SCN7A: variants seen among roughly 807,000 people sequenced by gnomAD.
SCN7A encodes the protein sodium channel protein type 7 subunit alpha.
SCN7A carries 138 observed loss-of-function variants against 155.2 expected under a neutral mutation model. The observed-to-expected ratio is 0.89, with a 90% CI of 0.77 to 1.02. The LOEUF (loss-of-function observed/expected upper bound fraction) is 1.02. Ranked by LOEUF, SCN7A falls within the 50% of genes least tolerant of loss-of-function variation. The pLI, the probability that SCN7A is intolerant of heterozygous loss-of-function variation, is 0.00. For synonymous variants in SCN7A, 693 were observed against 649.0 expected (o/e 1.07, Z -1.03); for missense variants, 2,058 against 1,986.6 (o/e 1.04, Z -0.68).
At chr2:166,414,185 AT>A (rs1334511001) in intron 21 of SCN7A, among the ~76,000 whole-genome samples, 2 of 48,220 alleles carry the variant, frequency 4.1e-5, no homozygotes, top group African/African-American at 8.3e-5. Context: ...GTAAATATAT[AT>A]AATATATAAT....
intron 5 of SCN7A, 128 bp from the exon 6 acceptor site, chr2:166,472,573 T>C: frequency 1.3e-6 from 1 of 747,984 alleles, no homozygotes; most frequent in East Asian, 3.0e-5. Context: ...CAGGTCTACT[T>C]GGTAGGCCAA....
In SCN7A at chr2:166,465,789, T is replaced by C. The variant is rs545067970; in HGVS notation, c.863A>G (p.Tyr288Cys). The part of the protein sequence containing the change: ...TLHNRTGNPY[Y>C]IRETENFYYL... ...GGCAAGGTGATTCTTACCTCGAATATAATATGGGTTTCCAGTTCTGTTGTG... is the reference window on the plus strand; with the variant it reads ...GGCAAGGTGATTCTTACCTCGAATACAATATGGGTTTCCAGTTCTGTTGTG... The change falls in exon 8 of 26, where the codon TAT becomes TGT. Residue 288 changes from tyrosine to cysteine, a missense_variant. Coordinates refer to ENST00000643258, the MANE Select transcript of SCN7A (RefSeq NM_002976.4). 24 of 1,613,662 alleles carry C rather than the reference T, an allele frequency of 1.5e-5. No homozygotes were observed. Among genetic ancestry groups the C allele is most frequent in the South Asian group, 6.6e-5 (6 of 91,080 alleles).
Position 166,474,218 on chromosome 2 carries a change from A to G in SCN7A, c.353+8T>C. On this transcript the variant is annotated splice_region_variant and intron_variant, in intron 4 of 25. Transcript: ENST00000643258. ...GTTTAAAGTCAACAAGTCAACAGAA[A>G]AGGATATGGATGTACCAAAACCTTG... is the stretch of plus-strand genomic sequence containing the variant. 1 of 1,310,140 alleles carries G rather than the reference A, an allele frequency of 7.6e-7. No homozygotes were observed. The highest frequency in any genetic ancestry group is 1.5e-5 in the South Asian group (1 of 65,518). The allele number at this position is 1,310,140 out of a possible 1,614,324, so 81.2% of individuals were successfully genotyped here. A position where few individuals can be genotyped will look rare whatever the true frequency, so the allele number is the denominator to read the frequency against.
At chr2:166,477,404 T>C in intron 3 of SCN7A, 59 bp downstream of exon 3, 3 of 1,068,828 alleles carry the variant, frequency 2.8e-6, no homozygotes, top group Non-Finnish European at 3.9e-6. Context: ...TTACATTTTC[T>C]GTATGTCTGG....
intron 1 of SCN7A, among the ~76,000 whole-genome samples, chr2:166,490,998 G>C (rs1307789333): frequency 2.0e-5 from 3 of 152,180 alleles, no homozygotes; most frequent in Non-Finnish European, 4.4e-5. Flanking sequence ...CAGAGAAAGA[G>C]AGTAGATATG....
At chr2:166,432,936 T>C (rs1476476059) in intron 15 of SCN7A, among the ~76,000 whole-genome samples, 184 bp from the exon 16 acceptor site, 2 of 152,118 alleles carry the variant, frequency 1.3e-5, no homozygotes, top group Admixed American at 1.3e-4. Flanking sequence ...TTTGAACTTA[T>C]TCTTCCTATT....
chr2:166,457,125 T>C (rs1314015775), intron 10 of SCN7A, 49 bp from the exon 11 acceptor site: 1 of 1,303,294 alleles, frequency 7.7e-7, no homozygotes, highest in Admixed American at 2.4e-5. Context: ...TTATTTATCT[T>C]CCAGGATTCT....
chr2:166,413,097 T>C lies in SCN7A; in HGVS notation c.3439A>G (p.Ile1147Val), dbSNP rs767821492. The change falls in exon 22 of 26, where the codon ATT (isoleucine) becomes GTT (valine). Residue 1147 changes from isoleucine (I) to valine (V), a missense_variant. Transcript: ENST00000643258. Reference protein sequence around the residue: ...QVATFNGWITIMNSAIDSVAV... With the variant: ...QVATFNGWITVMNSAIDSVAV... ...ACAGAATCAATTGCTGAATTCATAATAGTGATCCATCCATTAAATGTTGCC... is the reference window on the plus strand; with the variant it reads ...ACAGAATCAATTGCTGAATTCATAACAGTGATCCATCCATTAAATGTTGCC... The C allele has an allele frequency of 5.2e-6, 8 of 1,536,666 alleles. No homozygotes were observed. The African/African-American group carries it at 6.9e-5, about 13-fold the overall frequency.
intron 9 of SCN7A, among the ~76,000 whole-genome samples, chr2:166,464,577 A>T (rs1702486040): frequency 6.6e-6 from 1 of 152,212 alleles, no homozygotes; most frequent in Non-Finnish European, 1.5e-5. Flanking sequence ...TCATAAAAAC[A>T]TATAAGAGAT....
At chr2:166,460,693 C>G (rs529092939) in intron 10 of SCN7A, among the ~76,000 whole-genome samples, 1 of 152,050 alleles carries the variant, frequency 6.6e-6, no homozygotes, top group South Asian at 2.1e-4. Flanking sequence ...GGAGAGGGTA[C>G]AACATACATG....
chr2:166,454,800 T>C (rs1285584717), intron 11 of SCN7A, among the ~76,000 whole-genome samples: 2 of 152,222 alleles, frequency 1.3e-5, no homozygotes, highest in Non-Finnish European at 2.9e-5. Context: ...GTTTGCTTTC[T>C]ACCATCTGGT....
chr2:166,408,416 A>G (rs746228934), intron 25 of SCN7A, among the ~76,000 whole-genome samples: 1 of 151,960 alleles, frequency 6.6e-6, no homozygotes, highest in Non-Finnish European at 1.5e-5. Context: ...CATTTTACAA[A>G]TCTACATTTA....
At chr2:166,436,243 G>C (rs187238847) in intron 15 of SCN7A, 4 of 208,156 alleles carry the variant, frequency 1.9e-5, no homozygotes, top group Admixed American at 1.1e-4. Context: ...GGAGGGAATC[G>C]GTGGGAGGTA....
At chr2:166,477,055 C>T (rs913631671) in intron 3 of SCN7A, among the ~76,000 whole-genome samples, 4 of 151,852 alleles carry the variant, frequency 2.6e-5, no homozygotes, top group African/African-American at 4.8e-5. Flanking sequence ...AAATAACATA[C>T]GGGTTGTATT....
chr2:166,440,851 T>A (rs1398984970), intron 15 of SCN7A: 1 of 153,292 alleles, frequency 6.5e-6, no homozygotes, highest in Non-Finnish European at 1.5e-5. Context: ...CCATGCGTAC[T>A]ACATGATCTG....
chr2:166,477,748 A>C (rs1702833721), intron 2 of SCN7A, 38 bp from the exon 3 acceptor site: 1 of 1,303,430 alleles, frequency 7.7e-7, no homozygotes, highest in Non-Finnish European at 1.0e-6. Context: ...GTATACTAAT[A>C]AAACATAAAA....
intron 7 of SCN7A, among the ~76,000 whole-genome samples, chr2:166,468,433 A>T (rs1347273712): frequency 6.6e-6 from 1 of 152,054 alleles, no homozygotes; most frequent in Non-Finnish European, 1.5e-5. Flanking sequence ...TTCAAAATAA[A>T]ATCATTAAAT....
At chr2:166,450,451 G>A (rs747042256) in intron 11 of SCN7A, among the ~76,000 whole-genome samples, 4 of 151,760 alleles carry the variant, frequency 2.6e-5, no homozygotes, top group Admixed American at 1.3e-4. Flanking sequence ...ATGTACCCTC[G>A]AATCTAAAAT....
chr2:166,432,606 G>T lies in SCN7A; in HGVS notation c.2304C>A (p.Cys768Ter), dbSNP rs1701756670. The change falls in exon 16 of 26, where the codon TGC becomes TGA. Residue 768 changes from cysteine (C) to a stop codon, truncating the protein, a stop_gained. Coordinates refer to ENST00000643258, the MANE Select transcript of SCN7A (RefSeq NM_002976.4). LOFTEE classifies it high-confidence loss of function. ...GINYVLLKIL[C>*]KTQNVPKDTM... Reference sequence around the variant, plus strand: ...TGTCCTTTGGGACATTTTGTGTTTTGCATAGTATTTTAAGAAGCACATAGT... The same window carrying T: ...TGTCCTTTGGGACATTTTGTGTTTTTCATAGTATTTTAAGAAGCACATAGT... 6.2e-7 allele frequency: 1 copy of T among 1,612,648 alleles called. No individual in the cohort carries two copies. The highest frequency in any genetic ancestry group is 1.7e-5 in the Admixed American group (1 of 59,850).
Sources: gnomAD v4.1 joint callset for allele counts (sites outside exome capture counted in the v4.1 genomes callset) on GRCh38, gnomAD v4.1.1 for gene constraint, MANE v1.5 for transcripts, NCBI Gene and HGNC (gene_info 2026-07-23, HGNC 2026-07-21) for gene names.